PACRGL: variants seen among roughly 807,000 people sequenced by gnomAD.
PACRGL encodes the protein PACRG-like protein.
PACRGL carries 38 observed loss-of-function variants against 34.5 expected under a neutral mutation model. The ratio of observed to expected loss-of-function variants is 1.10; its 90% CI spans 0.85 to 1.44. PACRGL has a LOEUF of 1.44. PACRGL is among the 40% of genes most tolerant of loss of function. The probability of loss-of-function intolerance (pLI) is 0.00; values close to 1 mark genes in which losing one functional copy is unlikely to be tolerated. For missense variants in PACRGL, 305 were observed against 281.4 expected, an observed-to-expected ratio of 1.08 and a Z score of -0.60; for synonymous variants, 128 against 100.1, an observed-to-expected ratio of 1.28 and a Z score of -1.66.
chr4:20,743,178 C>A (rs970744405), intron 8 of PACRGL, among the ~76,000 whole-genome samples: 1 of 152,024 alleles, frequency 6.6e-6, no homozygotes, highest in Non-Finnish European at 1.5e-5. Flanking sequence ...ATATCGTGAA[C>A]ATGGCCATAC....
the PACRGL span, among the ~76,000 whole-genome samples, chr4:20,762,804 A>G: frequency 6.6e-6 from 1 of 152,214 alleles, no homozygotes; most frequent in African/African-American, 2.4e-5. Flanking sequence ...GTTCATTTCC[A>G]CACTGCTATA....
the PACRGL span, among the ~76,000 whole-genome samples, chr4:20,759,044 A>G: frequency 3.9e-5 from 6 of 152,118 alleles, no homozygotes; most frequent in Non-Finnish European, 7.4e-5. Flanking sequence ...GCACACTATA[A>G]ACTTATGTTT....
chr4:20,766,949 G>C, the PACRGL span: 3 of 152,258 alleles, frequency 2.0e-5, no homozygotes, highest in East Asian at 5.8e-4. Context: ...GTGAAACGGG[G>C]ACAGGAATTG....
At chr4:20,719,116 A>G (rs936965333) in intron 7 of PACRGL, 2 of 152,202 alleles carry the variant, frequency 1.3e-5, no homozygotes, top group South Asian at 2.1e-4. Flanking sequence ...GTTTATTTGC[A>G]TAGAGGTGTT....
In PACRGL at chr4:20,712,772, T is replaced by G; in HGVS notation, c.367-16T>G. ...GAAATGGGTAGTAAATCATGTTTCC[T>G]CTTGGTCTTTGTCAGGGTCTGAGAG... On this transcript the variant is annotated splice_polypyrimidine_tract_variant and intron_variant, in intron 5 of 8. Transcript: ENST00000503585. 3 of 1,462,820 alleles carry G rather than the reference T, an allele frequency of 2.1e-6. No homozygotes were observed. The highest frequency in any genetic ancestry group is 2.7e-6 in the Non-Finnish European group (3 of 1,093,948). The allele number at this position is 1,462,820 out of a possible 1,614,324, so 90.6% of individuals were successfully genotyped here. A position where few individuals can be genotyped will look rare whatever the true frequency, so the allele number is the denominator to read the frequency against.
Position 20,730,024 on chromosome 4 carries a change from T to G in PACRGL, c.*2683T>G, listed in dbSNP as rs1383112917. 6.4e-7 allele frequency: 1 copy of G among 1,554,958 alleles called. No homozygotes were observed. Among genetic ancestry groups the G allele is most frequent in the Middle Eastern group, 1.7e-4 (1 of 5,774 alleles). On this transcript the variant is annotated 3_prime_UTR_variant, in exon 9 of 9. Coordinates refer to ENST00000503585, the MANE Select transcript of PACRGL (RefSeq NM_001258345.3). ...CTATGCTAAAAGTGGTAGCTCCAACTTTAAGGGTGGTAGAATAGTTCACAT... is the reference window on the plus strand; with the variant it reads ...CTATGCTAAAAGTGGTAGCTCCAACGTTAAGGGTGGTAGAATAGTTCACAT...
chr4:20,732,756 GTATATTGCTTTCA>G, downstream of PACRGL: 1 of 1,610,106 alleles, frequency 6.2e-7, no homozygotes, highest in African/African-American at 1.3e-5. Context: ...CCATCATATC[GTATATTGCTTTCA>G]TTATATCAAG....
chr4:20,732,824 G>A (rs1578415514), downstream of PACRGL: 2 of 1,221,056 alleles, frequency 1.6e-6, no homozygotes, highest in East Asian at 2.3e-5. Flanking sequence ...CTGCACACAT[G>A]TATGAAGAAA....
At chr4:20,706,692 C>T (rs1284329032) in intron 3 of PACRGL, among the ~76,000 whole-genome samples, 1 of 152,060 alleles carries the variant, frequency 6.6e-6, no homozygotes, top group Non-Finnish European at 1.5e-5. Flanking sequence ...TCTCCTGCCT[C>T]AGCCTCCCGA....
intron 7 of PACRGL, among the ~76,000 whole-genome samples, chr4:20,723,710 C>T (rs191030079): frequency 9.2e-5 from 14 of 152,300 alleles, no homozygotes; most frequent in Admixed American, 8.5e-4. Context: ...TTGCATTCCT[C>T]CTCAGAGCTC....
At position 20,731,253 on chromosome 4, in the gene PACRGL, A is replaced by C; in HGVS notation, c.*3912A>C. On this transcript the variant is annotated 3_prime_UTR_variant, in exon 9 of 9. Coordinates refer to ENST00000503585, the MANE Select transcript of PACRGL (RefSeq NM_001258345.3). ...CCCAGCTAACTTAATTTTTTTTTGT[A>C]GAGATAGATAGGGTCTTGCTATGTT... is the stretch of plus-strand genomic sequence containing the variant. 5.1e-5 allele frequency: 16 copies of C among 316,452 alleles called. No individual in the cohort carries two copies. Among genetic ancestry groups the C allele is most frequent in the Non-Finnish European group, 7.3e-5 (16 of 219,130 alleles). The allele number at this position is 316,452 out of a possible 1,614,324, so 19.6% of individuals were successfully genotyped here.
Position 20,732,164 on chromosome 4 carries a change from G to T in PACRGL, c.*4823G>T. 1 of 824,166 alleles carries T rather than the reference G, an allele frequency of 1.2e-6. No homozygotes were observed. The highest frequency in any genetic ancestry group is 2.0e-6 in the Non-Finnish European group (1 of 507,756). 51.1% of individuals were successfully genotyped at this position (824,166 alleles called of 1,614,324 possible). A position where few individuals can be genotyped will look rare whatever the true frequency, so the allele number is the denominator to read the frequency against. ...CTGAAGCTGATAAAAAGAAAACCTA[G>T]CTGCTTATTTATTTCACGTGGAGGA... is the stretch of plus-strand genomic sequence containing the variant. On this transcript the variant is annotated 3_prime_UTR_variant, in exon 9 of 9. Coordinates refer to ENST00000503585, the MANE Select transcript of PACRGL (RefSeq NM_001258345.3).
At chr4:20,764,451 G>T in the PACRGL span, among the ~76,000 whole-genome samples, 3,620 of 152,062 alleles carry the variant, frequency 0.024, 144 homozygotes, top group African/African-American at 0.083. Flanking sequence ...TAGGAATAAT[G>T]ATGTAATTAA....
Position 20,730,505 on chromosome 4 carries a change from G to T in PACRGL, c.*3164G>T, listed in dbSNP as rs887638166. On this transcript the variant is annotated 3_prime_UTR_variant, in exon 9 of 9. Coordinates refer to ENST00000503585, the MANE Select transcript of PACRGL (RefSeq NM_001258345.3). ...TGTAGATCACAGGCCAAATCACACA[G>T]ACTTTTATACAGGTACAAGGAAAAT... is the stretch of plus-strand genomic sequence containing the variant. Among the ~76,000 whole-genome samples the T allele has an allele frequency of 6.6e-6, 1 of 152,162 alleles. No individual in the cohort carries two copies. The highest frequency in any genetic ancestry group is 2.4e-5 in the African/African-American group (1 of 41,436).
intron 5 of PACRGL, among the ~76,000 whole-genome samples, chr4:20,712,479 G>A (rs1423472399): frequency 6.6e-6 from 1 of 151,914 alleles, no homozygotes; most frequent in Non-Finnish European, 1.5e-5. Flanking sequence ...AAGTAATCTA[G>A]AGATTATTTA....
In PACRGL at chr4:20,713,252, A is replaced by C. The variant is rs887825996; in HGVS notation, c.502-180A>C. On this transcript the variant is annotated intron_variant, in intron 6 of 8. Coordinates refer to ENST00000503585, the MANE Select transcript of PACRGL (RefSeq NM_001258345.3). ...GATGGAAAATTTGTTTTTTGCTTCT[A>C]GATGTCCTGTGTTGAAGGTTATTTT... The C allele has an allele frequency of 1.9e-5, 11 of 585,316 alleles. No homozygotes were observed. In the African/African-American group the frequency reaches 1.9e-4, roughly 10 times the overall value. 36.3% of individuals were successfully genotyped at this position (585,316 alleles called of 1,614,324 possible).
chr4:20,747,340 T>C (rs1364049833), intron 8 of PACRGL, among the ~76,000 whole-genome samples: 7 of 152,228 alleles, frequency 4.6e-5, no homozygotes, highest in Admixed American at 4.6e-4. Flanking sequence ...TAAAAGTTTA[T>C]ATTAGGTGAA....
rs1747242905 is a variant in PACRGL at position 20,729,466 on chromosome 4, A to AT, written c.*2126dup. On this transcript the variant is annotated 3_prime_UTR_variant, in exon 9 of 9. Transcript: ENST00000503585. ...ATTAGGCATATGCTGATATCTGATAATAAACTAATTTTTAAATGTTTAATA... is the reference window on the plus strand; with the variant it reads ...ATTAGGCATATGCTGATATCTGATAATTAAACTAATTTTTAAATGTTTAATA... The AT allele has an allele frequency of 7.6e-6, 1 of 132,368 alleles. No individual in the cohort carries two copies. Among genetic ancestry groups the AT allele is most frequent in the Non-Finnish European group, 1.8e-5 (1 of 56,490 alleles). The allele number at this position is 132,368 out of a possible 1,614,324, so 8.2% of individuals were successfully genotyped here.
chr4:20,747,377 T>C (rs1752608759), intron 8 of PACRGL, among the ~76,000 whole-genome samples: 1 of 152,220 alleles, frequency 6.6e-6, no homozygotes, highest in Non-Finnish European at 1.5e-5. Flanking sequence ...CTTTGGCTTC[T>C]ATATTATAGA....
Sources: gnomAD v4.1 joint callset for allele counts (sites outside exome capture counted in the v4.1 genomes callset) on GRCh38, gnomAD v4.1.1 for gene constraint, MANE v1.5 for transcripts, NCBI Gene and HGNC (gene_info 2026-07-23, HGNC 2026-07-21) for gene names.